RMDN2: variants seen among roughly 807,000 people sequenced by gnomAD.
RMDN2 encodes the protein regulator of microtubule dynamics protein 2.
Under a neutral mutation model 52.8 loss-of-function variants are expected in RMDN2, and 61 were observed. The observed-to-expected ratio is 1.16, with a 90% CI of 0.94 to 1.43. The LOEUF (loss-of-function observed/expected upper bound fraction) is 1.43, where lower values mean the gene tolerates loss of function less well. RMDN2 is among the 40% of genes most tolerant of loss of function. The probability of loss-of-function intolerance (pLI) is 0.00; values close to 1 mark genes in which losing one functional copy is unlikely to be tolerated. For missense variants in RMDN2, 592 were observed against 475.3 expected, an observed-to-expected ratio of 1.25 and a Z score of -2.28; for synonymous variants, 180 against 153.1, an observed-to-expected ratio of 1.18 and a Z score of -1.30.
intron 2 of RMDN2, among the ~76,000 whole-genome samples, chr2:37,939,187 C>T (rs1174800166): frequency 6.6e-6 from 1 of 152,146 alleles, no homozygotes; most frequent in Non-Finnish European, 1.5e-5. Flanking sequence ...TGTTCAGTTT[C>T]CATGTAATTG....
At chr2:37,983,231 TG>T (rs1002206249) in intron 5 of RMDN2, among the ~76,000 whole-genome samples, 7 of 152,210 alleles carry the variant, frequency 4.6e-5, no homozygotes, top group African/African-American at 1.7e-4. Context: ...TTTATCAGTG[TG>T]GGTTTCCAAA....
chr2:38,005,596 A>G (rs1242031580), intron 10 of RMDN2, among the ~76,000 whole-genome samples: 3 of 151,950 alleles, frequency 2.0e-5, no homozygotes, highest in African/African-American at 7.3e-5. Flanking sequence ...TAGATTCTGG[A>G]TATTAGCCCT....
rs371108463 is a variant in RMDN2, at chr2:37,974,023, T to C, written c.453-17T>C. On this transcript the variant is annotated splice_polypyrimidine_tract_variant and intron_variant, in intron 2 of 10. Coordinates refer to ENST00000354545, the MANE Select transcript of RMDN2 (RefSeq NM_001170791.3). ...CTTAACTTTCAAAGGAGTTGATGAT[T>C]ATTTCTGCGATTTTAGGTATATTAC... is the stretch of plus-strand genomic sequence containing the variant. The C allele has an allele frequency of 3.8e-6, 6 of 1,592,566 alleles. No homozygotes were observed. The highest frequency in any genetic ancestry group is 5.1e-6 in the Non-Finnish European group (6 of 1,168,286).
intron 2 of RMDN2, chr2:37,951,261 C>A (rs140191801): frequency 1.3e-6 from 2 of 1,599,384 alleles, no homozygotes; most frequent in Admixed American, 3.6e-5. Context: ...GAGCTTCCAA[C>A]GATGTTCTCC....
chr2:37,994,529 C>G (rs1178051678), intron 7 of RMDN2, among the ~76,000 whole-genome samples: 5 of 152,060 alleles, frequency 3.3e-5, no homozygotes, highest in African/African-American at 1.2e-4. Flanking sequence ...TGACTGTTTT[C>G]CAGATCACAT....
chr2:37,924,967 G>A (rs919756460), upstream of RMDN2, among the ~76,000 whole-genome samples: 84 of 152,236 alleles, frequency 5.5e-4, no homozygotes, highest in African/African-American at 2.0e-3. Context: ...TTAACTAGGG[G>A]AGAGGGAGTG....
At chr2:38,049,537 C>T (rs1681465078) in intron 10 of RMDN2, among the ~76,000 whole-genome samples, 1 of 152,206 alleles carries the variant, frequency 6.6e-6, no homozygotes, top group Admixed American at 6.5e-5. Flanking sequence ...TCCTCAGTCA[C>T]AGACCATGGT....
chr2:38,018,783 A>G (rs1368118736), downstream of RMDN2, among the ~76,000 whole-genome samples: 4 of 152,174 alleles, frequency 2.6e-5, no homozygotes, highest in East Asian at 1.9e-4. Flanking sequence ...GCAGTGAGCT[A>G]TAAAGATTCC....
rs564877627 is a variant in RMDN2 at position 38,049,703 on chromosome 2, G to A, written c.1714-17279G>A. Among the ~76,000 whole-genome samples the A allele has an allele frequency of 3.3e-5, 5 of 152,238 alleles. No homozygotes were observed. In the East Asian group the frequency reaches 9.7e-4, roughly 29 times the overall value. ...TCCTCCTGTTTCAGCTTCTCAAGTA[G>A]CTAGGACTATAGGCACATGCCACCA... is the stretch of plus-strand genomic sequence containing the variant. On this transcript the variant is annotated intron_variant, in intron 10 of 10. Transcript: ENST00000234195.
intron 2 of RMDN2, among the ~76,000 whole-genome samples, chr2:37,964,589 C>T (rs549270189): frequency 2.4e-4 from 36 of 152,250 alleles, no homozygotes; most frequent in Admixed American, 7.2e-4. Flanking sequence ...AGACTTATTT[C>T]GTGGCCTAAT....
chr2:37,962,464 G>C (rs1354963551), intron 2 of RMDN2, among the ~76,000 whole-genome samples: 2 of 152,180 alleles, frequency 1.3e-5, no homozygotes, highest in Non-Finnish European at 2.9e-5. Context: ...CACCCAGTCC[G>C]AACTTCTGGT....
chr2:38,019,601 A>T (rs548382213), downstream of RMDN2, among the ~76,000 whole-genome samples: 1 of 152,324 alleles, frequency 6.6e-6, no homozygotes, highest in South Asian at 2.1e-4. Context: ...CTTTCAAAGG[A>T]GCATTAACTC....
At chr2:37,932,446 T>C (rs1666843467) in intron 2 of RMDN2, among the ~76,000 whole-genome samples, 1 of 149,666 alleles carries the variant, frequency 6.7e-6, no homozygotes, top group African/African-American at 2.5e-5. Flanking sequence ...AAATGAAAAG[T>C]CTCCCATGTC....
intron 10 of RMDN2, among the ~76,000 whole-genome samples, chr2:38,011,325 G>T (rs1454256688): frequency 3.9e-5 from 6 of 152,180 alleles, no homozygotes; most frequent in Admixed American, 3.9e-4. Flanking sequence ...TAAGTTTCAA[G>T]CATTCCACAG....
chr2:37,973,959 T>C (rs954812587), intron 2 of RMDN2, 81 bp from the exon 3 acceptor site: 5 of 1,145,276 alleles, frequency 4.4e-6, no homozygotes, highest in Non-Finnish European at 6.3e-6. Flanking sequence ...AGGGGCATGA[T>C]TTGACTTGCA....
chr2:37,995,334 T>TACA (rs762642721), intron 7 of RMDN2, among the ~76,000 whole-genome samples: 184 of 150,756 alleles, frequency 1.2e-3, no homozygotes, highest in Non-Finnish European at 2.1e-3. Context: ...CTACTACTAC[T>TACA]ACTACTACTA....
chr2:38,007,805 C>A (rs1185679152), intron 10 of RMDN2, among the ~76,000 whole-genome samples: 2 of 152,072 alleles, frequency 1.3e-5, no homozygotes, highest in African/African-American at 4.8e-5. Flanking sequence ...GTTAGGGTGT[C>A]AATCTTAGAT....
intron 1 of RMDN2, 54 bp downstream of exon 1, chr2:37,925,479 C>G (rs919425712): frequency 6.6e-6 from 1 of 152,574 alleles, no homozygotes; most frequent in South Asian, 2.1e-4. Context: ...CGGACCGCGC[C>G]GGGGACTTGC....
chr2:37,974,373 TTTTA>T (rs1458904141), intron 3 of RMDN2, among the ~76,000 whole-genome samples, 159 bp downstream of exon 3: 1 of 152,094 alleles, frequency 6.6e-6, no homozygotes, highest in African/African-American at 2.4e-5. Flanking sequence ...AAAATTTATT[TTTTA>T]TTTAAGATGC....
Sources: allele counts gnomAD v4.1 joint callset (sites outside exome capture counted in the v4.1 genomes callset), GRCh38; gene constraint gnomAD v4.1.1; transcripts MANE v1.5; gene names NCBI Gene and HGNC (gene_info 2026-07-23, HGNC 2026-07-21).